AUTS2: variants seen among roughly 807,000 people sequenced by gnomAD.
AUTS2 encodes activator of transcription and developmental regulator AUTS2, also known as autism susceptibility gene 2 protein.
AUTS2 carries 17 observed loss-of-function variants against 112.4 expected under a neutral mutation model. The ratio of observed to expected loss-of-function variants is 0.15; its 90% confidence interval spans 0.10 to 0.23. The LOEUF (loss-of-function observed/expected upper bound fraction) is 0.23. AUTS2 is among the 10% of genes least tolerant of loss of function. The probability of loss-of-function intolerance (pLI) is 1.00; values close to 1 mark genes in which losing one functional copy is unlikely to be tolerated. For synonymous variants in AUTS2, 751 were observed against 702.7 expected (o/e 1.07, Z -1.09); for missense variants, 1,510 against 1,701.6 (o/e 0.89, Z 1.98).
At chr7:69,958,124 G>A (rs1584492629) in intron 2 of AUTS2, among the ~76,000 whole-genome samples, 1 of 152,116 alleles carries the variant, frequency 6.6e-6, no homozygotes, top group Non-Finnish European at 1.5e-5. Context: ...CACCTGCTGT[G>A]TGCCAGCCAT....
chr7:70,283,468 C>G (rs555893676), intron 4 of AUTS2, among the ~76,000 whole-genome samples: 1 of 151,992 alleles, frequency 6.6e-6, no homozygotes, highest in Non-Finnish European at 1.5e-5. Flanking sequence ...AAGATGCATT[C>G]CAATTTCAGA....
intron 2 of AUTS2, among the ~76,000 whole-genome samples, chr7:70,003,215 T>TTATATATGAATATAA (rs1799291660): frequency 2.3e-5 from 3 of 133,182 alleles, no homozygotes; most frequent in Admixed American, 1.7e-4. Flanking sequence ...TATGAATATA[T>TTATATATGAATATAA]TATATATGAA....
chr7:69,897,527 C>T (rs1244055749), intron 1 of AUTS2, among the ~76,000 whole-genome samples: 1 of 151,140 alleles, frequency 6.6e-6, no homozygotes, highest in Non-Finnish European at 1.5e-5. Flanking sequence ...ATCCAGTCAA[C>T]TCCCAAAGTC....
At chr7:69,628,243 G>C (rs1794055695) in intron 1 of AUTS2, among the ~76,000 whole-genome samples, 1 of 152,188 alleles carries the variant, frequency 6.6e-6, no homozygotes, top group African/African-American at 2.4e-5. Flanking sequence ...AGGTGTGCTT[G>C]GAGCCTGTGT....
chr7:70,615,112 C>G (rs1408987528), intron 5 of AUTS2, among the ~76,000 whole-genome samples: 1 of 152,216 alleles, frequency 6.6e-6, no homozygotes, highest in Non-Finnish European at 1.5e-5. Context: ...TTTCCCCTGT[C>G]GTCTTTTTCC....
intron 5 of AUTS2, among the ~76,000 whole-genome samples, chr7:70,690,874 T>C (rs988767025): frequency 2.6e-5 from 4 of 152,152 alleles, no homozygotes; most frequent in African/African-American, 9.7e-5. Flanking sequence ...GGCGGGAGGA[T>C]TGCTTTAGCC....
chr7:69,849,434 C>T (rs1200807760), intron 1 of AUTS2, among the ~76,000 whole-genome samples: 2 of 151,970 alleles, frequency 1.3e-5, no homozygotes, highest in Non-Finnish European at 2.9e-5. Context: ...ATTATGTAAC[C>T]ATCACTGCAG....
At chr7:69,868,360 G>A (rs1793330910) in intron 1 of AUTS2, among the ~76,000 whole-genome samples, 1 of 152,122 alleles carries the variant, frequency 6.6e-6, no homozygotes, top group Non-Finnish European at 1.5e-5. Flanking sequence ...AAATGTTGAA[G>A]TATTCAACAA....
intron 2 of AUTS2, among the ~76,000 whole-genome samples, chr7:69,915,737 T>A (rs1161621917): frequency 6.6e-6 from 1 of 152,254 alleles, no homozygotes; most frequent in Non-Finnish European, 1.5e-5. Flanking sequence ...TTTATTTATT[T>A]ATTTATTGAG....
Position 69,899,569 on chromosome 7 carries a change from T to A in AUTS2, c.522+71T>A, listed in dbSNP as rs1045483354. ...TCCTTAGGTGCTTCCTCCACTGTGG[T>A]TTTTCGTAACAGGTGGAGAAGATAT... On this transcript the variant is annotated intron_variant, in intron 2 of 18. Transcript: ENST00000342771. The A allele has an allele frequency of 7.3e-5, 107 of 1,455,880 alleles. No homozygotes were observed. The East Asian group carries it at 2.4e-3, about 33-fold the overall frequency. The allele number at this position is 1,455,880 out of a possible 1,614,324, so 90.2% of individuals were successfully genotyped here. A position where few individuals can be genotyped will look rare whatever the true frequency, so the allele number is the denominator to read the frequency against.
intron 5 of AUTS2, among the ~76,000 whole-genome samples, chr7:70,469,285 C>G (rs1435633418): frequency 2.0e-5 from 3 of 152,108 alleles, no homozygotes; most frequent in Non-Finnish European, 4.4e-5. Context: ...AATTTAAAGT[C>G]TTAGGAGATA....
chr7:70,369,780 A>G (rs1350412242), intron 4 of AUTS2, among the ~76,000 whole-genome samples: 1 of 152,196 alleles, frequency 6.6e-6, no homozygotes, highest in Admixed American at 6.5e-5. Context: ...AGGATTAGTT[A>G]AAAGACTTCA....
At chr7:70,510,060 T>TAGGTCCCCCAGATCAC (rs1377059896) in intron 5 of AUTS2, among the ~76,000 whole-genome samples, 26 of 152,252 alleles carry the variant, frequency 1.7e-4, no homozygotes, top group Admixed American at 1.7e-3. Context: ...CTCTAGGTCT[T>TAGGTCCCCCAGATCAC]AGGTCCCCCA....
intron 4 of AUTS2, among the ~76,000 whole-genome samples, chr7:70,250,448 C>G (rs1185165391): frequency 6.6e-6 from 1 of 152,226 alleles, no homozygotes; most frequent in Non-Finnish European, 1.5e-5. Flanking sequence ...CCTCCATTCT[C>G]TGCCCCTGGA....
At chr7:69,857,242 G>A (rs1300895407) in intron 1 of AUTS2, among the ~76,000 whole-genome samples, 5 of 152,214 alleles carry the variant, frequency 3.3e-5, no homozygotes, top group East Asian at 1.9e-4. Flanking sequence ...GCTCTTGTGC[G>A]CTGCATTGAA....
At chr7:69,728,028 G>A (rs761252494) in intron 1 of AUTS2, among the ~76,000 whole-genome samples, 1 of 152,106 alleles carries the variant, frequency 6.6e-6, no homozygotes, top group Non-Finnish European at 1.5e-5. Flanking sequence ...TTTTAGTGTG[G>A]TACACTAAAG....
intron 4 of AUTS2, among the ~76,000 whole-genome samples, chr7:70,322,495 C>T (rs1416888532): frequency 6.6e-6 from 1 of 152,148 alleles, no homozygotes; most frequent in East Asian, 1.9e-4. Context: ...AAAAGGTGAT[C>T]ACTTACCTGT....
chr7:69,897,283 T>C (rs1794788809), intron 1 of AUTS2, among the ~76,000 whole-genome samples: 1 of 152,202 alleles, frequency 6.6e-6, no homozygotes, highest in Non-Finnish European at 1.5e-5. Flanking sequence ...CGTTAGTTTG[T>C]CCAGGCTGCA....
At chr7:70,534,827 A>T (rs2129500571) in intron 5 of AUTS2, among the ~76,000 whole-genome samples, 1 of 152,294 alleles carries the variant, frequency 6.6e-6, no homozygotes, top group South Asian at 2.1e-4. Context: ...AATGGTGATT[A>T]TGGTGATGGC....
Sources: gnomAD v4.1 joint callset for allele counts (sites outside exome capture counted in the v4.1 genomes callset) on GRCh38, gnomAD v4.1.1 for gene constraint, MANE v1.5 for transcripts, NCBI Gene and HGNC (gene_info 2026-07-23, HGNC 2026-07-21) for gene names.